The following RALGAPB variants were observed in gnomAD, a reference collection of about 807,000 sequenced individuals.
The protein encoded by RALGAPB is ral GTPase-activating protein subunit beta.
Under a neutral mutation model 161.1 loss-of-function variants are expected in RALGAPB, and 25 were observed. The ratio of observed to expected loss-of-function variants is 0.16; its 90% confidence interval spans 0.11 to 0.22. The LOEUF (loss-of-function observed/expected upper bound fraction) is 0.22. RALGAPB is among the 10% of genes least tolerant of loss of function. RALGAPB has a pLI of 1.00. For synonymous variants in RALGAPB, 629 were observed against 626.1 expected (o/e 1.00, Z -0.07); for missense variants, 1,391 against 1,815.2 (o/e 0.77, Z 4.25).
At chr20:38,506,816 GT>G (rs763287038) in intron 5 of RALGAPB, among the ~76,000 whole-genome samples, 22 of 152,128 alleles carry the variant, frequency 1.4e-4, no homozygotes, top group Non-Finnish European at 2.9e-4. Context: ...TATAGGTAGT[GT>G]TATGTATCAG....
At chr20:38,502,623 T>C (rs1435450044) in intron 5 of RALGAPB, among the ~76,000 whole-genome samples, 8 of 152,234 alleles carry the variant, frequency 5.3e-5, no homozygotes. Context: ...TCTCACTTTT[T>C]CACCTAGTCT....
At chr20:38,516,602 T>TG in intron 7 of RALGAPB, 1 of 440,484 alleles carries the variant, frequency 2.3e-6, no homozygotes, top group East Asian at 3.9e-5. Context: ...TTAAAAGTAA[T>TG]GCGGCCAAAA....
At chr20:38,509,506 G>A (rs2085870694) in intron 6 of RALGAPB, among the ~76,000 whole-genome samples, 1 of 152,176 alleles carries the variant, frequency 6.6e-6, no homozygotes. Context: ...TCTTTCTCTT[G>A]GGATTTTGTC....
chr20:38,565,812 T>C (rs889235027), intron 25 of RALGAPB, among the ~76,000 whole-genome samples: 1 of 152,232 alleles, frequency 6.6e-6, no homozygotes, highest in African/African-American at 2.4e-5. Flanking sequence ...CACCTACTTT[T>C]CTATTCCCAT....
chr20:38,544,772 T>C (rs945797796), intron 18 of RALGAPB, among the ~76,000 whole-genome samples: 1 of 152,156 alleles, frequency 6.6e-6, no homozygotes, highest in Non-Finnish European at 1.5e-5. Context: ...CCCAGCTGAG[T>C]ACAGTATTCT....
rs565378231 is a variant in RALGAPB at position 38,562,820 on chromosome 20, G to A, written c.3697+123G>A. ...ACAAAACCAGGCTGGGTACAGTGGC[G>A]CATGCCTGTCTTCAAGAAGCCAAGG... On this transcript the variant is annotated intron_variant, in intron 24 of 29. Coordinates refer to ENST00000262879, the MANE Select transcript of RALGAPB (RefSeq NM_020336.4). 3.5e-4 allele frequency: 373 copies of A among 1,076,448 alleles called. No individual in the cohort carries two copies. In the African/African-American group the frequency reaches 5.4e-3, roughly 15 times the overall value. 66.7% of individuals were successfully genotyped at this position (1,076,448 alleles called of 1,614,324 possible).
intron 1 of RALGAPB, among the ~76,000 whole-genome samples, chr20:38,484,280 T>A (rs1487147682): frequency 6.6e-6 from 1 of 152,162 alleles, no homozygotes; most frequent in Admixed American, 6.5e-5. Flanking sequence ...ATCCCTTTTT[T>A]CCCTAACAGC....
At chr20:38,489,506 A>T (rs181523854) in intron 2 of RALGAPB, among the ~76,000 whole-genome samples, 70 of 152,148 alleles carry the variant, frequency 4.6e-4, no homozygotes, top group African/African-American at 1.7e-3. Flanking sequence ...TGCCATTGGG[A>T]AGTCATGAAG....
chr20:38,530,099 C>G (rs549210546), intron 13 of RALGAPB, among the ~76,000 whole-genome samples: 5 of 152,212 alleles, frequency 3.3e-5, no homozygotes, highest in African/African-American at 9.6e-5. Context: ...CATGGTGTTG[C>G]AGTAAACATG....
intron 16 of RALGAPB, among the ~76,000 whole-genome samples, chr20:38,535,561 C>T (rs2086778778): frequency 1.3e-5 from 2 of 151,042 alleles, no homozygotes; most frequent in South Asian, 4.2e-4. Flanking sequence ...TGCCATCCTC[C>T]ATTATCAGAG....
intron 5 of RALGAPB, among the ~76,000 whole-genome samples, chr20:38,508,054 T>A (rs2085817823): frequency 1.3e-5 from 2 of 151,758 alleles, no homozygotes; most frequent in African/African-American, 4.8e-5. Flanking sequence ...AACTTAGTTA[T>A]ATGGCAGAAA....
intron 1 of RALGAPB, among the ~76,000 whole-genome samples, chr20:38,480,869 C>G (rs994478496): frequency 6.6e-6 from 1 of 151,794 alleles, no homozygotes; most frequent in Admixed American, 6.6e-5. Flanking sequence ...TCCTGAGTAG[C>G]TGGGACTACA....
intron 5 of RALGAPB, among the ~76,000 whole-genome samples, chr20:38,507,750 T>C (rs1443283536): frequency 6.6e-6 from 1 of 151,910 alleles, no homozygotes; most frequent in Non-Finnish European, 1.5e-5. Flanking sequence ...CAGGGTGGAG[T>C]GCAGTGGCGC....
Position 38,532,819 on chromosome 20 carries a change from C to T in RALGAPB, c.2205C>T (p.Pro735=), listed in dbSNP as rs1034153969. ...GTGGAAGCACGGAGCCCACGACTCCCGATAGTGAGAGACCTGCTCAAGCTC... is the reference window on the plus strand; with the variant it reads ...GTGGAAGCACGGAGCCCACGACTCCTGATAGTGAGAGACCTGCTCAAGCTC... ...ASGGSTEPTT[P]DSERPAQALL... is the part of the protein sequence containing the mutation. Residue 735 remains proline, a synonymous_variant, in exon 15 of 30, where the codon CCC becomes CCT. Coordinates refer to ENST00000262879, the MANE Select transcript of RALGAPB (RefSeq NM_020336.4). The T allele has an allele frequency of 6.2e-6, 10 of 1,613,986 alleles. No individual in the cohort carries two copies. Among genetic ancestry groups the T allele is most frequent in the Admixed American group, 3.3e-5 (2 of 60,006 alleles).
intron 1 of RALGAPB, among the ~76,000 whole-genome samples, chr20:38,480,866 T>C (rs1218932022): frequency 6.6e-6 from 1 of 151,544 alleles, no homozygotes; most frequent in African/African-American, 2.4e-5. Flanking sequence ...GCCTCCTGAG[T>C]AGCTGGGACT....
chr20:38,511,271 C>G (rs1343811171), intron 6 of RALGAPB, among the ~76,000 whole-genome samples: 4 of 151,666 alleles, frequency 2.6e-5, no homozygotes. Context: ...TTGTATTAAG[C>G]TTGTATTTAT....
intron 5 of RALGAPB, among the ~76,000 whole-genome samples, chr20:38,502,569 A>C (rs2085626947): frequency 6.6e-6 from 1 of 152,114 alleles, no homozygotes; most frequent in Non-Finnish European, 1.5e-5. Flanking sequence ...CTGTAAATGT[A>C]AATGTGTTTT....
At position 38,574,714 on chromosome 20, in the gene RALGAPB, C is replaced by T. The variant is rs186305385; in HGVS notation, c.4292-60C>T. The stretch of plus-strand genomic sequence containing the variant: ...GGAGAATAGTTCACCTGAATACTTA[C>T]AGTTCACCTACGTAAGTGACTAGTT... On this transcript the variant is annotated intron_variant, in intron 29 of 29. Transcript: ENST00000262879. 5.1e-5 allele frequency: 76 copies of T among 1,483,330 alleles called. No homozygotes were observed. The Admixed American group carries it at 1.1e-3, about 22-fold the overall frequency. 91.9% of individuals were successfully genotyped at this position (1,483,330 alleles called of 1,614,324 possible).
intron 5 of RALGAPB, among the ~76,000 whole-genome samples, chr20:38,508,357 A>G (rs1385576600): frequency 6.6e-6 from 1 of 152,118 alleles, no homozygotes; most frequent in Admixed American, 6.6e-5. Flanking sequence ...CTGATACACA[A>G]GTAGAAAAAT....
Sources: gnomAD v4.1 joint callset for allele counts (sites outside exome capture counted in the v4.1 genomes callset) on GRCh38, gnomAD v4.1.1 for gene constraint, MANE v1.5 for transcripts, NCBI Gene and HGNC (gene_info 2026-07-23, HGNC 2026-07-21) for gene names.